The following CLVS1 variants were observed in gnomAD, a reference collection of about 807,000 sequenced individuals.
CLVS1 encodes the protein clavesin-1.
In CLVS1, 10 loss-of-function variants were observed where a neutral mutation model predicts 33.1. The ratio of observed to expected loss-of-function variants is 0.30; its 90% CI spans 0.19 to 0.51. The LOEUF (loss-of-function observed/expected upper bound fraction) is 0.51, where lower values mean the gene tolerates loss of function less well. Among genes scored for constraint, CLVS1 ranks in the 20% least tolerant of loss-of-function variants. CLVS1 has a pLI of 0.97. For missense variants in CLVS1, 343 were observed against 433.4 expected (o/e 0.79, Z 1.85); for synonymous variants, 163 against 166.1 (o/e 0.98, Z 0.14).
chr8:61,023,053 T>C, the CLVS1 span, among the ~76,000 whole-genome samples: 3 of 152,220 alleles, frequency 2.0e-5, no homozygotes, highest in Admixed American at 2.0e-4. Flanking sequence ...TTTGTCAGTT[T>C]GGAAGCTACT....
At chr8:61,221,596 T>C (rs1038150561) in intron 2 of CLVS1, among the ~76,000 whole-genome samples, 3 of 152,330 alleles carry the variant, frequency 2.0e-5, no homozygotes, top group Admixed American at 6.5e-5. Context: ...CAATATTTTA[T>C]TGAGGATTTT....
intron 3 of CLVS1, among the ~76,000 whole-genome samples, chr8:61,411,285 C>G (rs1815212378): frequency 6.6e-6 from 1 of 152,190 alleles, no homozygotes; most frequent in Non-Finnish European, 1.5e-5. Context: ...GCACTGAATT[C>G]CTCCTGTCTG....
intron 2 of CLVS1, among the ~76,000 whole-genome samples, chr8:61,339,802 G>GAA (rs1811951032): frequency 6.9e-6 from 1 of 144,418 alleles, no homozygotes; most frequent in East Asian, 2.0e-4. Context: ...AGAAAAAAGA[G>GAA]AGGAAGGAAA....
chr8:61,005,340 C>T, the CLVS1 span, among the ~76,000 whole-genome samples: 7 of 151,144 alleles, frequency 4.6e-5, no homozygotes, highest in East Asian at 1.9e-4. Flanking sequence ...GGTGCGAATA[C>T]GTCAAGGGGA....
At chr8:61,120,712 A>T (rs1236367953) in intron 1 of CLVS1, among the ~76,000 whole-genome samples, 1 of 142,424 alleles carries the variant, frequency 7.0e-6, no homozygotes, top group Non-Finnish European at 1.5e-5. Context: ...GACCCACTTG[A>T]GGAGGCAGTC....
intron 3 of CLVS1, among the ~76,000 whole-genome samples, chr8:61,429,852 T>C (rs2129605292): frequency 6.6e-6 from 1 of 152,292 alleles, no homozygotes; most frequent in Admixed American, 6.5e-5. Context: ...AATATAATAA[T>C]GGTGGTAAAT....
chr8:61,064,704 C>G (rs1804644038), intron 1 of CLVS1, among the ~76,000 whole-genome samples: 1 of 151,344 alleles, frequency 6.6e-6, no homozygotes, highest in Non-Finnish European at 1.5e-5. Context: ...CCACGTCCAG[C>G]TAATTTTTTT....
intron 3 of CLVS1, among the ~76,000 whole-genome samples, chr8:61,396,423 C>T (rs1372859030): frequency 2.0e-5 from 3 of 151,900 alleles, no homozygotes; most frequent in Non-Finnish European, 4.4e-5. Flanking sequence ...CATAATTCCT[C>T]AGCACAGAGA....
intron 2 of CLVS1, 128 bp downstream of exon 2, chr8:61,300,410 GT>G: frequency 2.4e-6 from 2 of 831,530 alleles, no homozygotes; most frequent in South Asian, 1.9e-5. Context: ...CACCAAGGAA[GT>G]TTTAGGCCAC....
intron 1 of CLVS1, among the ~76,000 whole-genome samples, chr8:61,072,812 C>T (rs1346705017): frequency 2.6e-5 from 4 of 152,172 alleles, no homozygotes; most frequent in Non-Finnish European, 5.9e-5. Context: ...AAACCATTTT[C>T]CAAATAGAAT....
chr8:61,074,064 A>G (rs865871777), intron 1 of CLVS1, among the ~76,000 whole-genome samples: 2 of 146,648 alleles, frequency 1.4e-5, no homozygotes, highest in Non-Finnish European at 3.0e-5. Flanking sequence ...AAGGCCAGGC[A>G]TGGTGGCTCA....
intron 2 of CLVS1, among the ~76,000 whole-genome samples, chr8:61,320,958 T>C (rs756570783): frequency 1.6e-4 from 24 of 152,208 alleles, no homozygotes; most frequent in Non-Finnish European, 2.6e-4. Flanking sequence ...TGTTTTCTAT[T>C]AACTTAAAAA....
chr8:61,256,358 CA>C (rs1311371420), intron 2 of CLVS1, among the ~76,000 whole-genome samples: 3 of 152,056 alleles, frequency 2.0e-5, no homozygotes, highest in Non-Finnish European at 4.4e-5. Context: ...ACTAAAAATA[CA>C]AAAATTAGCC....
At chr8:61,352,163 T>G (rs1389533335) in intron 2 of CLVS1, among the ~76,000 whole-genome samples, 4 of 152,008 alleles carry the variant, frequency 2.6e-5, no homozygotes, top group African/African-American at 9.7e-5. Context: ...TAATGAAGCT[T>G]CTATACTTCA....
intron 2 of CLVS1, among the ~76,000 whole-genome samples, chr8:61,353,540 C>A (rs1385398226): frequency 1.3e-5 from 2 of 151,078 alleles, no homozygotes; most frequent in Non-Finnish European, 3.0e-5. Flanking sequence ...AAATTATGTC[C>A]AACTAAATGA....
chr8:61,064,413 T>C (rs951579970), intron 1 of CLVS1, among the ~76,000 whole-genome samples: 1 of 152,236 alleles, frequency 6.6e-6, no homozygotes, highest in Non-Finnish European at 1.5e-5. Flanking sequence ...TGGTGTGATG[T>C]AGCATTTCAT....
chr8:61,377,266 G>A (rs1813685474), intron 3 of CLVS1: 1 of 152,456 alleles, frequency 6.6e-6, no homozygotes, highest in Admixed American at 6.5e-5. Flanking sequence ...CCTCCTGTTT[G>A]TATGACCACT....
At chr8:61,208,570 C>G (rs1427958191) in intron 2 of CLVS1, among the ~76,000 whole-genome samples, 17 of 152,004 alleles carry the variant, frequency 1.1e-4, no homozygotes, top group Admixed American at 1.0e-3. Context: ...AAATAATTTA[C>G]TAGATTGACT....
At chr8:61,326,597 G>A (rs1211196423) in intron 2 of CLVS1, among the ~76,000 whole-genome samples, 1 of 152,188 alleles carries the variant, frequency 6.6e-6, no homozygotes, top group African/African-American at 2.4e-5. Context: ...CTACCTCTGG[G>A]TAGGAGGTGC....
Sources: allele counts gnomAD v4.1 joint callset (sites outside exome capture counted in the v4.1 genomes callset), GRCh38; gene constraint gnomAD v4.1.1; transcripts MANE v1.5; gene names NCBI Gene and HGNC (gene_info 2026-07-23, HGNC 2026-07-21).